Variants in FRMD1 observed in about 807,000 individuals in gnomAD.
FRMD1 encodes FERM domain containing 1, also known as FERM domain-containing protein 1.
In FRMD1, 51 loss-of-function variants were observed where a neutral mutation model predicts 54.9. That is an observed-to-expected ratio of 0.93 (90% CI 0.74 to 1.17). The LOEUF (loss-of-function observed/expected upper bound fraction) is 1.17, where lower values mean the gene tolerates loss of function less well. Ranked by LOEUF, FRMD1 falls within the 50% of genes most tolerant of loss-of-function variation. The pLI is 0.00. For synonymous variants in FRMD1, 324 were observed against 306.4 expected, an observed-to-expected ratio of 1.06 and a Z score of -0.60; for missense variants, 729 against 743.0, an observed-to-expected ratio of 0.98 and a Z score of 0.22.
intron 1 of FRMD1, among the ~76,000 whole-genome samples, chr6:168,087,141 C>T (rs966747867): frequency 2.0e-5 from 3 of 151,960 alleles, no homozygotes; most frequent in African/African-American, 7.3e-5. Flanking sequence ...GGGCTTGGCT[C>T]ACTGTAACCC....
chr6:168,080,189 C>T (rs777057210), upstream of FRMD1, among the ~76,000 whole-genome samples: 6 of 152,064 alleles, frequency 3.9e-5, no homozygotes, highest in Admixed American at 6.5e-5. Flanking sequence ...GCACTCCAGC[C>T]GCCCTAAGGC....
Position 168,078,824 on chromosome 6 carries a change from A to G in FRMD1, c.213+58T>C, listed in dbSNP as rs6924643. Reference sequence around the variant, plus strand: ...CCTGCTCACCCCCACGGCCACCCGGAGCCCTGCTCACCCCCACAGCTCTGT... The same window carrying G: ...CCTGCTCACCCCCACGGCCACCCGGGGCCCTGCTCACCCCCACAGCTCTGT... On this transcript the variant is annotated intron_variant, in intron 1 of 10. Coordinates refer to ENST00000283309, the MANE Select transcript of FRMD1 (RefSeq NM_024919.6). 22 of 1,297,496 alleles carry G rather than the reference A, an allele frequency of 1.7e-5. No individual in the cohort carries two copies. The East Asian group carries it at 2.3e-4, about 14-fold the overall frequency. 80.4% of individuals were successfully genotyped at this position (1,297,496 alleles called of 1,614,324 possible).
rs577314637 is a variant in FRMD1 at position 168,054,370 on chromosome 6, T to C, written c.*2727A>G. On this transcript the variant is annotated 3_prime_UTR_variant, in exon 11 of 11. Transcript: ENST00000283309. ...CAGCCGGGCTCATGCGAGGCTGTGA[T>C]GCTGGAGGTCCTTGGCCTGCTCCTT... 1 of 152,476 alleles carries C rather than the reference T, an allele frequency of 6.6e-6. No individual in the cohort carries two copies. Among genetic ancestry groups the C allele is most frequent in the East Asian group, 1.9e-4 (1 of 5,150 alleles). 9.4% of individuals were successfully genotyped at this position (152,476 alleles called of 1,614,324 possible). A position where few individuals can be genotyped will look rare whatever the true frequency, so the allele number is the denominator to read the frequency against.
chr6:168,067,447 C>A lies in FRMD1; in HGVS notation c.305-1G>T, dbSNP rs147885454. The A allele has an allele frequency of 6.3e-7, 1 of 1,595,326 alleles. No individual in the cohort carries two copies. Among genetic ancestry groups the A allele is most frequent in the Non-Finnish European group, 8.6e-7 (1 of 1,166,684 alleles). Reference sequence around the variant, plus strand: ...AAATCCATAAATATATACTCATTGTCTGAAAGCAAAACAAAAGGCTTCATC... The same window carrying A: ...AAATCCATAAATATATACTCATTGTATGAAAGCAAAACAAAAGGCTTCATC... On this transcript the variant is annotated splice_acceptor_variant, in intron 2 of 10. Coordinates refer to ENST00000283309, the MANE Select transcript of FRMD1 (RefSeq NM_024919.6). LOFTEE classifies it high-confidence loss of function.
At chr6:168,075,191 C>T in intron 2 of FRMD1, 54 bp downstream of exon 2, 2 of 1,506,396 alleles carry the variant, frequency 1.3e-6, no homozygotes, top group Non-Finnish European at 9.2e-7. Flanking sequence ...CCCTTGACCT[C>T]CAGCAGATGC....
At chr6:168,075,133 G>C (rs528644428) in intron 2 of FRMD1, 112 bp downstream of exon 2, 1 of 834,474 alleles carries the variant, frequency 1.2e-6, no homozygotes, top group Admixed American at 1.8e-5. Flanking sequence ...GTACATATGA[G>C]AGTGGTGTAT....
chr6:168,072,265 C>T (rs1030855808), intron 2 of FRMD1, among the ~76,000 whole-genome samples: 3 of 152,214 alleles, frequency 2.0e-5, no homozygotes, highest in Non-Finnish European at 2.9e-5. Context: ...CACTGGACCT[C>T]TGGGGGACCC....
At position 168,059,054 on chromosome 6, in the gene FRMD1, T is replaced by C; in HGVS notation, c.1407+70A>G. ...GGCCTAGGAAGGTCCCCAGGGCCCC[T>C]GACAGGGGACCTAGGAGAAGGGGGT... On this transcript the variant is annotated intron_variant, in intron 10 of 10. Coordinates refer to ENST00000283309, the MANE Select transcript of FRMD1 (RefSeq NM_024919.6). The surrounding 1 kb of genome is among the most constrained non-coding windows in gnomAD (Gnocchi z 4.4). The C allele has an allele frequency of 7.7e-7, 1 of 1,304,104 alleles. No individual in the cohort carries two copies. The highest frequency in any genetic ancestry group is 1.1e-6 in the Non-Finnish European group (1 of 936,384). The allele number at this position is 1,304,104 out of a possible 1,614,324, so 80.8% of individuals were successfully genotyped here.
At chr6:168,081,578 C>T (rs1296791466), upstream of FRMD1, 6 of 1,411,548 alleles carry the variant, frequency 4.3e-6, no homozygotes, top group South Asian at 9.1e-5. Context: ...TGAGAACATT[C>T]TAGAACTCAA....
chr6:168,085,519 C>G (rs531533101), upstream of FRMD1, among the ~76,000 whole-genome samples: 1 of 152,346 alleles, frequency 6.6e-6, no homozygotes, highest in East Asian at 1.9e-4. Context: ...AGCCACACGC[C>G]CCACCATGGC....
At chr6:168,076,937 C>A (rs923527821) in intron 1 of FRMD1, among the ~76,000 whole-genome samples, 18 of 152,070 alleles carry the variant, frequency 1.2e-4, no homozygotes, top group Non-Finnish European at 2.4e-4. Context: ...CAGATACACA[C>A]GAGTATACAC....
intron 1 of FRMD1, among the ~76,000 whole-genome samples, chr6:168,092,118 C>T (rs1801025300): frequency 6.6e-6 from 1 of 152,238 alleles, no homozygotes; most frequent in African/African-American, 2.4e-5. Context: ...CTGCCAACCA[C>T]TCAGCCAGGG....
chr6:168,076,481 G>T (rs896558329), intron 1 of FRMD1, among the ~76,000 whole-genome samples: 1 of 152,194 alleles, frequency 6.6e-6, no homozygotes, highest in Non-Finnish European at 1.5e-5. Flanking sequence ...GAATCACGGG[G>T]GTGGTTCCCC....
upstream of FRMD1, chr6:168,081,602 A>G: frequency 7.9e-7 from 1 of 1,269,804 alleles, no homozygotes. Context: ...TCGGAGCTCT[A>G]GGTCCACAAA....
intron 1 of FRMD1, among the ~76,000 whole-genome samples, chr6:168,087,920 G>C (rs1487745726): frequency 2.0e-5 from 3 of 152,148 alleles, no homozygotes; most frequent in African/African-American, 7.2e-5. Flanking sequence ...ATCACAGATT[G>C]AGAACCTCAG....
upstream of FRMD1, among the ~76,000 whole-genome samples, chr6:168,083,473 A>G (rs1015303316): frequency 2.6e-5 from 4 of 152,262 alleles, no homozygotes; most frequent in Non-Finnish European, 4.4e-5. Context: ...AAGTGCCATG[A>G]AACCAGAACA....
chr6:168,066,998 G>C, intron 3 of FRMD1, 167 bp from the exon 4 acceptor site: 7 of 904,108 alleles, frequency 7.7e-6, no homozygotes, highest in Non-Finnish European at 1.2e-5. Flanking sequence ...TTTCTACCCG[G>C]AGAACCCTGA....
intron 4 of FRMD1, chr6:168,065,263 A>G: frequency 7.6e-7 from 1 of 1,323,756 alleles, no homozygotes; most frequent in South Asian, 2.2e-5. Context: ...GGCACAGGTG[A>G]CTTGCTGCCA....
upstream of FRMD1, among the ~76,000 whole-genome samples, chr6:168,083,412 G>T (rs181369671): frequency 7.2e-5 from 11 of 152,344 alleles, no homozygotes; most frequent in Admixed American, 5.2e-4. Flanking sequence ...GGCAGGAACC[G>T]CCCCAACCGA....
Sources: allele counts gnomAD v4.1 joint callset (sites outside exome capture counted in the v4.1 genomes callset), GRCh38; gene constraint gnomAD v4.1.1; non-coding constraint Gnocchi (gnomAD v3.1); transcripts MANE v1.5; gene names NCBI Gene and HGNC (gene_info 2026-07-23, HGNC 2026-07-21).